Variants in TTC21A observed in about 807,000 individuals in gnomAD.
TTC21A encodes the protein tetratricopeptide repeat protein 21A.
Under a neutral mutation model 156.4 loss-of-function variants are expected in TTC21A, and 128 were observed. That is an observed-to-expected ratio of 0.82 (90% CI 0.71 to 0.95). The LOEUF is 0.95. Among genes scored for constraint, TTC21A ranks in the 40% least tolerant of loss-of-function variants. The pLI is 0.00. For synonymous variants in TTC21A, 587 were observed against 617.1 expected (o/e 0.95, Z 0.72); for missense variants, 1,435 against 1,602.3 (o/e 0.90, Z 1.78).
chr3:39,137,305 A>G lies in TTC21A; in HGVS notation c.3368A>G (p.Gln1123Arg), dbSNP rs370013504. ...DSSQTQLRLL[Q>R]GLCRLATREK... ...AGCCAGACCCAGCTGCGGCTGCTGCAGGGCCTCTGCCGGCTGGCCACCAGG... is the reference window on the plus strand; with the variant it reads ...AGCCAGACCCAGCTGCGGCTGCTGCGGGGCCTCTGCCGGCTGGCCACCAGG... The change falls in exon 25 of 29, where the codon CAG becomes CGG. Residue 1123 changes from glutamine (Q) to arginine (R), a missense_variant. Gln to Arg is a conservative substitution (Grantham distance 43, BLOSUM62 1). Coordinates refer to ENST00000683103, the MANE Select transcript of TTC21A (RefSeq NM_001366900.1). 1.2e-5 allele frequency: 20 copies of G among 1,613,976 alleles called. No homozygotes were observed. Among genetic ancestry groups the G allele is most frequent in the Non-Finnish European group, 1.7e-5 (20 of 1,180,008 alleles).
Position 39,134,759 on chromosome 3 carries a change from T to C in TTC21A, c.2863-334T>C, listed in dbSNP as rs2038986603. 2.0e-6 allele frequency: 1 copy of C among 492,644 alleles called. No homozygotes were observed. Among genetic ancestry groups the C allele is most frequent in the East Asian group, 3.7e-5 (1 of 27,250 alleles). The allele number at this position is 492,644 out of a possible 1,614,324, so 30.5% of individuals were successfully genotyped here. ...GAGGGGTCCTCATCCCTACCTCTAT[T>C]GCCTGGCAGTTCTCAGAATGGGTGG... is the stretch of plus-strand genomic sequence containing the variant. On this transcript the variant is annotated intron_variant, in intron 21 of 28. Transcript: ENST00000683103. The surrounding 1 kb of genome is among the most constrained non-coding windows in gnomAD (Gnocchi z 4.6).
At chr3:39,114,497 T>C (rs2037108758) in intron 5 of TTC21A, 88 bp from the exon 6 acceptor site, 2 of 1,352,944 alleles carry the variant, frequency 1.5e-6, no homozygotes, top group Admixed American at 1.7e-5. Context: ...GTTCCTGTTT[T>C]CATGGAGACA....
intron 14 of TTC21A, 51 bp from the exon 15 acceptor site, chr3:39,129,021 A>G: frequency 6.2e-7 from 1 of 1,608,158 alleles, no homozygotes; most frequent in Non-Finnish European, 8.5e-7. Context: ...GATTCCACCC[A>G]CTGTTTACTT....
intron 4 of TTC21A, among the ~76,000 whole-genome samples, chr3:39,111,949 G>T (rs1002083949): frequency 3.9e-5 from 6 of 152,290 alleles, no homozygotes; most frequent in Middle Eastern, 3.4e-3. Flanking sequence ...CATGGAACCA[G>T]CGAGGTCCAC....
In TTC21A at chr3:39,130,197, C is replaced by G; in HGVS notation, c.2208+46C>G. On this transcript the variant is annotated intron_variant, in intron 16 of 28. Coordinates refer to ENST00000683103, the MANE Select transcript of TTC21A (RefSeq NM_001366900.1). This position sits in a 1 kb window ranked among gnomAD's most constrained non-coding sequence, Gnocchi z 4.5. ...CCTTGCCAAGTGGCCCCCCAGTCTC[C>G]CTTCTCCAGTGGGAGAGAAGAGGAA... 2 of 1,611,672 alleles carry G rather than the reference C, an allele frequency of 1.2e-6. No individual in the cohort carries two copies. Among genetic ancestry groups the G allele is most frequent in the Non-Finnish European group, 1.7e-6 (2 of 1,178,436 alleles).
Position 39,121,189 on chromosome 3 carries a change from G to C in TTC21A, c.1093G>C (p.Gly365Arg). 1 of 1,610,132 alleles carries C rather than the reference G, an allele frequency of 6.2e-7. No homozygotes were observed. Among genetic ancestry groups the C allele is most frequent in the Non-Finnish European group, 8.5e-7 (1 of 1,177,460 alleles). Reference sequence around the variant, plus strand: ...CAAGGATGGCATGGCTGGTTTGACAGGTATATGCAGGTGTGGCAGGGCTCA... The same window carrying C: ...CAAGGATGGCATGGCTGGTTTGACACGTATATGCAGGTGTGGCAGGGCTCA... ...LDKDGMAGLT[G>R]IILCHILEGH... Residue 365 changes from glycine (G) to arginine (R), a missense_variant and splice_region_variant, in exon 9 of 29, where the codon GGG becomes CGG. Gly to Arg is a moderately radical substitution (Grantham distance 125). Coordinates refer to ENST00000683103, the MANE Select transcript of TTC21A (RefSeq NM_001366900.1).
chr3:39,135,517 C>T (rs2039045565), intron 22 of TTC21A, among the ~76,000 whole-genome samples: 1 of 152,240 alleles, frequency 6.6e-6, no homozygotes, highest in South Asian at 2.1e-4. Flanking sequence ...CATTCCCATT[C>T]ACTGCAGCGT....
chr3:39,110,913 A>C lies in TTC21A; in HGVS notation c.331A>C (p.Thr111Pro). ...LKEIRKTVSG[T>P]ALYYAGLFLW... ...GGAAATACGCAAGACAGTCAGTGGG[A>C]CTGCACTGTACTATGCTGGCCTTTT... The change falls in exon 4 of 29, where the codon ACT becomes CCT. Residue 111 changes from threonine (T) to proline (P), a missense_variant. Transcript: ENST00000683103. 6.2e-7 allele frequency: 1 copy of C among 1,614,062 alleles called. No homozygotes were observed. Among genetic ancestry groups the C allele is most frequent in the Non-Finnish European group, 8.5e-7 (1 of 1,180,012 alleles).
intron 5 of TTC21A, 124 bp from the exon 6 acceptor site, chr3:39,114,461 C>T: frequency 1.1e-6 from 1 of 910,008 alleles, no homozygotes; most frequent in Non-Finnish European, 1.8e-6. Context: ...GCTGAGAGGA[C>T]CCACGGTGCC....
chr3:39,125,967 T>C (rs13078962), intron 11 of TTC21A, among the ~76,000 whole-genome samples: 18,337 of 152,244 alleles, frequency 0.12, 1,158 homozygotes, highest in Admixed American at 0.15. Context: ...CCAAGGATCA[T>C]ATTTTTATAC....
rs1190358087 is a variant in TTC21A at position 39,130,188 on chromosome 3, C to G, written c.2208+37C>G. On this transcript the variant is annotated intron_variant, in intron 16 of 28. Transcript: ENST00000683103. This position sits in a 1 kb window ranked among gnomAD's most constrained non-coding sequence, Gnocchi z 4.5. ...GCCTCACAGCCTTGCCAAGTGGCCC[C>G]CCAGTCTCCCTTCTCCAGTGGGAGA... 6.2e-7 allele frequency: 1 copy of G among 1,612,434 alleles called. No individual in the cohort carries two copies.
At chr3:39,108,482 C>G (rs1425964842) in intron 1 of TTC21A, 2 of 154,298 alleles carry the variant, frequency 1.3e-5, no homozygotes, top group Non-Finnish European at 2.9e-5. Flanking sequence ...TGAAAACATC[C>G]CTCGCCTTAA....
At chr3:39,126,696 C>T (rs2038299035) in intron 12 of TTC21A, among the ~76,000 whole-genome samples, 2 of 152,102 alleles carry the variant, frequency 1.3e-5, no homozygotes, top group South Asian at 2.1e-4. Flanking sequence ...ATCCTACAGG[C>T]CTGCCCACTC....
At chr3:39,133,306 G>A (rs2038877054) in intron 20 of TTC21A, 66 bp downstream of exon 20, 1 of 1,515,886 alleles carries the variant, frequency 6.6e-7, no homozygotes, top group African/African-American at 1.4e-5. Context: ...TGAGCTCACT[G>A]ACCAGGTACA....
intron 6 of TTC21A, among the ~76,000 whole-genome samples, chr3:39,116,166 G>A (rs1208059865): frequency 1.3e-5 from 2 of 152,256 alleles, no homozygotes; most frequent in African/African-American, 2.4e-5. Flanking sequence ...AGTGTGTGGG[G>A]CCAACAGATT....
Position 39,112,338 on chromosome 3 carries a change from G to T in TTC21A, c.436-120G>T, listed in dbSNP as rs572405783. The T allele has an allele frequency of 1.3e-5, 13 of 1,014,372 alleles. No homozygotes were observed. The South Asian group carries it at 1.9e-4, about 15-fold the overall frequency. The allele number at this position is 1,014,372 out of a possible 1,614,324, so 62.8% of individuals were successfully genotyped here. A position where few individuals can be genotyped will look rare whatever the true frequency, so the allele number is the denominator to read the frequency against. The stretch of plus-strand genomic sequence containing the variant: ...GAGAGAGCTGGCTGCCCTGGGATCT[G>T]CACGGGACTGTGCCTGGCAGGGCCT... On this transcript the variant is annotated intron_variant, in intron 4 of 28. Transcript: ENST00000683103.
In TTC21A at chr3:39,130,257, G is replaced by C; in HGVS notation, c.2218G>C (p.Ala740Pro). 6.2e-7 allele frequency: 1 copy of C among 1,613,680 alleles called. No individual in the cohort carries two copies. The highest frequency in any genetic ancestry group is 8.5e-7 in the Non-Finnish European group (1 of 1,179,778). The change falls in exon 17 of 29, where the codon GCC becomes CCC. Residue 740 changes from alanine to proline, a missense_variant. Coordinates refer to ENST00000683103, the MANE Select transcript of TTC21A (RefSeq NM_001366900.1). The surrounding 1 kb of genome is among the most constrained non-coding windows in gnomAD (Gnocchi z 4.5). ...ALMSILEPEK[A>P]LEVYDEAYRQ... is the part of the protein sequence containing the mutation. Reference sequence around the variant, plus strand: ...ACACTTTCCCCACCAGCCCGAGAAGGCCCTGGAGGTCTATGATGAGGCCTA... The same window carrying C: ...ACACTTTCCCCACCAGCCCGAGAAGCCCCTGGAGGTCTATGATGAGGCCTA...
chr3:39,112,174 A>G (rs965017451), intron 4 of TTC21A, among the ~76,000 whole-genome samples: 1 of 152,116 alleles, frequency 6.6e-6, no homozygotes, highest in Admixed American at 6.5e-5. Flanking sequence ...ACAGGGAGGG[A>G]GGCCTCCTAA....
intron 19 of TTC21A, chr3:39,131,720 G>C (rs955274043): frequency 6.6e-6 from 1 of 152,172 alleles, no homozygotes; most frequent in African/African-American, 2.4e-5. Context: ...GGTGGGCGGG[G>C]GGTGCCGAGC....
Sources: allele counts gnomAD v4.1 joint callset (sites outside exome capture counted in the v4.1 genomes callset), GRCh38; gene constraint gnomAD v4.1.1; non-coding constraint Gnocchi (gnomAD v3.1); transcripts MANE v1.5; gene names NCBI Gene and HGNC (gene_info 2026-07-23, HGNC 2026-07-21).